Variants in SMAD4 observed in about 807,000 individuals in gnomAD.
SMAD4 encodes MAD homolog 4.
Under a neutral mutation model 63.2 loss-of-function variants are expected in SMAD4, and 7 were observed. The observed-to-expected ratio is 0.11, with a 90% CI of 0.06 to 0.21. The LOEUF (loss-of-function observed/expected upper bound fraction) is 0.21. SMAD4 is among the 10% of genes least tolerant of loss of function. The pLI is 1.00. For synonymous variants in SMAD4, 215 were observed against 235.4 expected (o/e 0.91, Z 0.79); for missense variants, 312 against 693.8 (o/e 0.45, Z 6.18).
Position 51,079,209 on chromosome 18 carries a change from T to C in SMAD4, c.*742T>C, listed in dbSNP as rs955021109. ...GATGACTGTTGATGAAGTATACTTT[T>C]CCCCTGTTAAACAGTAGTTGTATTC... is the stretch of plus-strand genomic sequence containing the variant. On this transcript the variant is annotated 3_prime_UTR_variant, in exon 12 of 12. Transcript: ENST00000342988. The C allele has an allele frequency of 8.6e-6, 2 of 232,882 alleles. No individual in the cohort carries two copies. Among genetic ancestry groups the C allele is most frequent in the East Asian group, 6.1e-5 (1 of 16,472 alleles). The allele number at this position is 232,882 out of a possible 1,614,324, so 14.4% of individuals were successfully genotyped here. A position where few individuals can be genotyped will look rare whatever the true frequency, so the allele number is the denominator to read the frequency against.
intron 10 of SMAD4, among the ~76,000 whole-genome samples, chr18:51,068,979 A>T (rs1181613406): frequency 6.6e-6 from 1 of 152,162 alleles, no homozygotes; most frequent in East Asian, 1.9e-4. Context: ...GTTAAATGAT[A>T]TCATGATATT....
intron 1 of SMAD4, among the ~76,000 whole-genome samples, chr18:51,040,189 G>C (rs1467822821): frequency 1.3e-5 from 2 of 152,124 alleles, no homozygotes; most frequent in African/African-American, 4.8e-5. Flanking sequence ...CACTTTGGGA[G>C]GCCAAGGCGG....
At chr18:51,047,424 C>G in intron 2 of SMAD4, 129 bp downstream of exon 2, 1 of 799,632 alleles carries the variant, frequency 1.3e-6, no homozygotes, top group South Asian at 1.5e-5. Flanking sequence ...GCATCCTGTA[C>G]AAATATGCAT....
At chr18:51,073,400 C>T (rs1206231529) in intron 10 of SMAD4, among the ~76,000 whole-genome samples, 3,320 of 90,282 alleles carry the variant, frequency 0.037, 45 homozygotes, top group East Asian at 0.13. Context: ...CACACACACA[C>T]ACACACACAC....
chr18:51,050,850 A>G (rs930088139), intron 4 of SMAD4, among the ~76,000 whole-genome samples: 2 of 151,578 alleles, frequency 1.3e-5, no homozygotes, highest in Admixed American at 1.3e-4. Context: ...CCTTTCTCCC[A>G]TATCACTGGT....
At chr18:51,054,750 A>G (rs2144417567) in intron 4 of SMAD4, 31 bp from the exon 5 acceptor site, 1 of 1,515,048 alleles carries the variant, frequency 6.6e-7, no homozygotes, top group Non-Finnish European at 9.1e-7. Flanking sequence ...AAGCTTATAA[A>G]AATTTAAAAT....
rs141420059 is a variant in SMAD4 at position 51,069,090 on chromosome 18, A to G, written c.1308+1903A>G. 1.9e-3 allele frequency among the ~76,000 whole-genome samples: 293 copies of G among 152,196 alleles called. 4 individuals are homozygous for G. Among genetic ancestry groups the G allele is most frequent in the African/African-American group, 6.9e-3 (287 of 41,526 alleles). On this transcript the variant is annotated intron_variant, in intron 10 of 11. Transcript: ENST00000342988. ...TTGTATTTTGCAGTTTTTTTCCACA[A>G]GTAATTTCTGTATTGGTTATTTATG...
chr18:51,066,962 AAAATT>A lies in SMAD4; in HGVS notation c.1140-56_1140-52del, dbSNP rs563253346. Reference sequence around the variant, plus strand: ...TTAAGCATGCTATACAATCTGAACTAAAATTTAATTTAAAATACTTATCAAGATAA... The same window carrying A: ...TTAAGCATGCTATACAATCTGAACTATAATTTAAAATACTTATCAAGATAA... On this transcript the variant is annotated intron_variant, in intron 9 of 11. Coordinates refer to ENST00000342988, the MANE Select transcript of SMAD4 (RefSeq NM_005359.6). The A allele has an allele frequency of 3.2e-4, 444 of 1,390,104 alleles. No homozygotes were observed. The African/African-American group carries it at 6.2e-3, about 19-fold the overall frequency. The allele number at this position is 1,390,104 out of a possible 1,614,324, so 86.1% of individuals were successfully genotyped here. A position where few individuals can be genotyped will look rare whatever the true frequency, so the allele number is the denominator to read the frequency against.
chr18:51,033,903 C>T (rs558220778), intron 1 of SMAD4, among the ~76,000 whole-genome samples: 3 of 152,192 alleles, frequency 2.0e-5, no homozygotes, highest in East Asian at 1.9e-4. Flanking sequence ...GGTAGGTAGT[C>T]GGATTCTTAC....
At chr18:51,067,209 A>C in intron 10 of SMAD4, 22 bp downstream of exon 10, 1 of 1,374,216 alleles carries the variant, frequency 7.3e-7, no homozygotes, top group Non-Finnish European at 1.0e-6. Context: ...TTTTATTTGA[A>C]TATTTTAGAC....
chr18:51,078,969 C>G lies in SMAD4; in HGVS notation c.*502C>G. 1 of 234,758 alleles carries G rather than the reference C, an allele frequency of 4.3e-6. No homozygotes were observed. The highest frequency in any genetic ancestry group is 8.4e-6 in the Non-Finnish European group (1 of 118,862). The allele number at this position is 234,758 out of a possible 1,614,324, so 14.5% of individuals were successfully genotyped here. A position where few individuals can be genotyped will look rare whatever the true frequency, so the allele number is the denominator to read the frequency against. ...GTTAATTTTACCAAGAGTAACTTTA[C>G]TCTGTGTTTAAAAAGTAAGTTAATA... On this transcript the variant is annotated 3_prime_UTR_variant, in exon 12 of 12. Coordinates refer to ENST00000342988, the MANE Select transcript of SMAD4 (RefSeq NM_005359.6).
At chr18:51,048,529 A>T (rs1218681057) in intron 2 of SMAD4, among the ~76,000 whole-genome samples, 157 bp from the exon 3 acceptor site, 1 of 152,220 alleles carries the variant, frequency 6.6e-6, no homozygotes, top group African/African-American at 2.4e-5. Context: ...GGTCTGATGT[A>T]TGACATGGCC....
intron 8 of SMAD4, among the ~76,000 whole-genome samples, chr18:51,061,824 A>G (rs979318258): frequency 6.6e-6 from 1 of 152,228 alleles, no homozygotes; most frequent in Non-Finnish European, 1.5e-5. Flanking sequence ...AAGGGTCTTA[A>G]ATTCTTAAAT....
chr18:51,061,148 A>C (rs1910001447), intron 8 of SMAD4, among the ~76,000 whole-genome samples: 1 of 152,192 alleles, frequency 6.6e-6, no homozygotes, highest in Admixed American at 6.5e-5. Flanking sequence ...ACAGGCATAT[A>C]ATGCATGATA....
At chr18:51,078,196 T>C in intron 11 of SMAD4, 60 bp from the exon 12 acceptor site, 1 of 1,326,700 alleles carries the variant, frequency 7.5e-7, no homozygotes. Context: ...ATTTAGAATG[T>C]AGGGAGGATG....
At chr18:51,041,793 A>T (rs1313319754) in intron 1 of SMAD4, among the ~76,000 whole-genome samples, 1 of 152,218 alleles carries the variant, frequency 6.6e-6, no homozygotes, top group Non-Finnish European at 1.5e-5. Flanking sequence ...TTGATCTGTG[A>T]TGAATGTGTA....
In SMAD4 at chr18:51,058,440, C is replaced by T. The variant is rs1060504026; in HGVS notation, c.888C>T (p.Pro296=). 6.2e-7 allele frequency: 1 copy of T among 1,613,248 alleles called. No homozygotes were observed. The highest frequency in any genetic ancestry group is 1.1e-5 in the South Asian group (1 of 91,060). ...GHLQHHPPMP[P]HPGHYWPVHN... is the part of the protein sequence containing the mutation. ...TTCAGCACCACCCGCCTATGCCGCC[C>T]CATCCCGGACATTACTGTAAGCTCT... Residue 296 remains proline, a synonymous_variant, in exon 7 of 12, where the codon CCC becomes CCT. Coordinates refer to ENST00000342988, the MANE Select transcript of SMAD4 (RefSeq NM_005359.6).
chr18:51,035,753 C>T (rs1909185096), intron 1 of SMAD4, among the ~76,000 whole-genome samples: 1 of 152,140 alleles, frequency 6.6e-6, no homozygotes, highest in Admixed American at 6.5e-5. Flanking sequence ...ATGTTCAGCT[C>T]TCCATTTACA....
chr18:51,082,737 T>G lies in SMAD4; in HGVS notation c.*4270T>G, dbSNP rs1910640258. The G allele has an allele frequency of 4.3e-6, 1 of 231,242 alleles. No individual in the cohort carries two copies. The highest frequency in any genetic ancestry group is 2.2e-5 in the African/African-American group (1 of 45,228). 14.3% of individuals were successfully genotyped at this position (231,242 alleles called of 1,614,324 possible). A position where few individuals can be genotyped will look rare whatever the true frequency, so the allele number is the denominator to read the frequency against. The stretch of plus-strand genomic sequence containing the variant: ...GCTATGGTTTTGAATTTTTAGTTTT[T>G]TTTTTTTAACCCACTTCCCCTCCTG... On this transcript the variant is annotated 3_prime_UTR_variant, in exon 12 of 12. Coordinates refer to ENST00000342988, the MANE Select transcript of SMAD4 (RefSeq NM_005359.6).
Sources: allele counts gnomAD v4.1 joint callset (sites outside exome capture counted in the v4.1 genomes callset), GRCh38; gene constraint gnomAD v4.1.1; transcripts MANE v1.5; gene names NCBI Gene and HGNC (gene_info 2026-07-23, HGNC 2026-07-21).